RIMBP2: variants seen among roughly 807,000 people sequenced by gnomAD.
The protein encoded by RIMBP2 is RIMS-binding protein 2.
A neutral mutation model predicts 118.6 loss-of-function variants in RIMBP2; 48 were observed. The observed-to-expected ratio is 0.40, with a 90% CI of 0.32 to 0.51. RIMBP2 has a LOEUF of 0.51. Ranked by LOEUF, RIMBP2 falls within the 20% of genes least tolerant of loss-of-function variation. The pLI is 0.41. For missense variants in RIMBP2, 1,551 were observed against 1,768.3 expected, an observed-to-expected ratio of 0.88 and a Z score of 2.20; for synonymous variants, 762 against 742.9, an observed-to-expected ratio of 1.03 and a Z score of -0.42.
intron 2 of RIMBP2, among the ~76,000 whole-genome samples, chr12:130,548,565 T>C (rs1271335492): frequency 6.6e-6 from 1 of 152,052 alleles, no homozygotes; most frequent in Non-Finnish European, 1.5e-5. Flanking sequence ...TCTTGGACTT[T>C]GTGGGTTTTT....
chr12:130,422,429 A>G lies in RIMBP2; in HGVS notation c.3238+24T>C. ...CACATGCTCCGCGGCTGAAAGACAC[A>G]ACAGCGATGATGGGGCCACTAACCG... is the stretch of plus-strand genomic sequence containing the variant. On this transcript the variant is annotated intron_variant, in intron 17 of 22. Coordinates refer to ENST00000690449, the MANE Select transcript of RIMBP2 (RefSeq NM_001393629.1). The surrounding 1 kb of genome is among the most constrained non-coding windows in gnomAD (Gnocchi z 5.2). 2 of 1,539,514 alleles carry G rather than the reference A, an allele frequency of 1.3e-6. No homozygotes were observed. Among genetic ancestry groups the G allele is most frequent in the Non-Finnish European group, 1.8e-6 (2 of 1,115,234 alleles).
rs1277691795 is a variant in RIMBP2, at chr12:130,622,461, T to C, written c.-217+5861A>G. ...ATTCACTATTCACTAATTGTACGTA[T>C]AATTCTCTACTATTTTTCATATATT... On this transcript the variant is annotated intron_variant, in intron 2 of 22. Coordinates refer to ENST00000690449, the MANE Select transcript of RIMBP2 (RefSeq NM_001393629.1). This position sits in a 1 kb window ranked among gnomAD's most constrained non-coding sequence, Gnocchi z 8.5. Among the ~76,000 whole-genome samples, 1 of 152,110 alleles carries C rather than the reference T, an allele frequency of 6.6e-6. No individual in the cohort carries two copies. Among genetic ancestry groups the C allele is most frequent in the Non-Finnish European group, 1.5e-5 (1 of 68,028 alleles).
intron 1 of RIMBP2, chr12:130,660,551 G>A (rs1305001615): frequency 6.6e-6 from 1 of 152,194 alleles, no homozygotes; most frequent in African/African-American, 2.4e-5. Flanking sequence ...CCTCAGGGTT[G>A]GAAGAGTTGC....
chr12:130,608,808 C>T (rs1409461455), intron 2 of RIMBP2, among the ~76,000 whole-genome samples: 1 of 152,060 alleles, frequency 6.6e-6, no homozygotes, highest in Non-Finnish European at 1.5e-5. Flanking sequence ...ACTTAATACC[C>T]ACTCTCTTAA....
intron 2 of RIMBP2, among the ~76,000 whole-genome samples, chr12:130,590,945 A>G (rs7965794): frequency 0.82 from 124,290 of 152,140 alleles, 50,865 homozygotes; most frequent in South Asian, 0.88. Context: ...AAGTGCAGCC[A>G]GGGGAAAGCG....
intron 1 of RIMBP2, among the ~76,000 whole-genome samples, chr12:130,661,771 G>A (rs1219121890): frequency 6.6e-6 from 1 of 152,116 alleles, no homozygotes; most frequent in Non-Finnish European, 1.5e-5. Context: ...AATAACTACG[G>A]TCAGTGAAGA....
intron 1 of RIMBP2, among the ~76,000 whole-genome samples, chr12:130,641,027 G>A (rs1003645339): frequency 6.6e-6 from 1 of 152,216 alleles, no homozygotes; most frequent in Non-Finnish European, 1.5e-5. Context: ...AGCCGTCCTG[G>A]CACTCAGCGC....
At position 130,414,045 on chromosome 12, in the gene RIMBP2, C is replaced by A. The variant is rs1330047622; in HGVS notation, c.3420+80G>T. On this transcript the variant is annotated intron_variant, in intron 18 of 22. Transcript: ENST00000690449. ...GGAGAAGGCCATCTCTAAGTCGATA[C>A]CCTGTTGCCAGTCTCTGCCCCCATG... 2.8e-6 allele frequency: 4 copies of A among 1,435,708 alleles called. No individual in the cohort carries two copies. In the African/African-American group the frequency reaches 4.2e-5, roughly 15 times the overall value. 88.9% of individuals were successfully genotyped at this position (1,435,708 alleles called of 1,614,324 possible).
In RIMBP2 at chr12:130,523,523, G is replaced by A. The variant is rs1338164899; in HGVS notation, c.-216-5606C>T. 6.6e-6 allele frequency among the ~76,000 whole-genome samples: 1 copy of A among 152,206 alleles called. No individual in the cohort carries two copies. Among genetic ancestry groups the A allele is most frequent in the Non-Finnish European group, 1.5e-5 (1 of 68,036 alleles). On this transcript the variant is annotated intron_variant, in intron 2 of 22. Coordinates refer to ENST00000690449, the MANE Select transcript of RIMBP2 (RefSeq NM_001393629.1). This position sits in a 1 kb window ranked among gnomAD's most constrained non-coding sequence, Gnocchi z 4.4. Reference sequence around the variant, plus strand: ...AAGGGCTCGTCAAGGAAGAAACTGGGTCTTCTGAAGACACCCCCTTCCCCA... The same window carrying A: ...AAGGGCTCGTCAAGGAAGAAACTGGATCTTCTGAAGACACCCCCTTCCCCA...
Position 130,441,850 on chromosome 12 carries a change from G to A in RIMBP2, c.1502C>T (p.Ala501Val). The change falls in exon 11 of 23, where the codon GCA becomes GTA. Residue 501 changes from alanine (A) to valine (V), a missense_variant and splice_region_variant. By Grantham distance (64) the Ala-to-Val change is moderately conservative. Around this residue, in one of 5 missense-constraint regions of RIMBP2, gnomAD observed 1,038 missense variants for 1,125.1 expected, o/e 0.92. Transcript: ENST00000690449. The stretch of plus-strand genomic sequence containing the variant: ...CCACGGAAGGACACAGGGCTCACCT[G>A]CAGGCAACGTGGAGAACTCCACAAA... Reference protein sequence around the residue: ...EAFVEFSTLPAGPPAPPQDVT... With the variant: ...EAFVEFSTLPVGPPAPPQDVT... 2 of 1,613,058 alleles carry A rather than the reference G, an allele frequency of 1.2e-6. No homozygotes were observed. The highest frequency in any genetic ancestry group is 8.5e-7 in the Non-Finnish European group (1 of 1,179,596).
intron 2 of RIMBP2, among the ~76,000 whole-genome samples, chr12:130,624,104 C>A (rs866607980): frequency 3.3e-5 from 5 of 152,246 alleles, no homozygotes; most frequent in African/African-American, 1.2e-4. Context: ...TGAAACACAG[C>A]GATTTACAAG....
At chr12:130,664,698 G>A (rs908536705) in intron 1 of RIMBP2, among the ~76,000 whole-genome samples, 3 of 151,778 alleles carry the variant, frequency 2.0e-5, no homozygotes, top group Non-Finnish European at 4.4e-5. Flanking sequence ...AAAGTAAAGA[G>A]GGACTCAGAA....
chr12:130,578,382 C>T lies in RIMBP2; in HGVS notation c.-217+49940G>A, dbSNP rs1375101083. 6.6e-6 allele frequency among the ~76,000 whole-genome samples: 1 copy of T among 152,222 alleles called. No individual in the cohort carries two copies. The highest frequency in any genetic ancestry group is 1.5e-5 in the Non-Finnish European group (1 of 68,046). The stretch of plus-strand genomic sequence containing the variant: ...TAGAATCCAACATGGCTCCCAGCTG[C>T]CAGCAGTACAAAGTGCAAACCTGCC... On this transcript the variant is annotated intron_variant, in intron 2 of 22. Transcript: ENST00000690449. This position sits in a 1 kb window ranked among gnomAD's most constrained non-coding sequence, Gnocchi z 4.1.
At chr12:130,516,975 C>T (rs79238684) in intron 3 of RIMBP2, among the ~76,000 whole-genome samples, 5,380 of 152,164 alleles carry the variant, frequency 0.035, 337 homozygotes, top group African/African-American at 0.12. Context: ...AGCTGGGGCA[C>T]GTCTGGTGCT....
intron 4 of RIMBP2, among the ~76,000 whole-genome samples, chr12:130,504,967 C>T (rs1421087425): frequency 6.6e-6 from 1 of 152,194 alleles, no homozygotes; most frequent in Non-Finnish European, 1.5e-5. Flanking sequence ...ACAGACTCTC[C>T]GCTAAGCTCC....
chr12:130,535,724 T>TATACACATATACAC lies in RIMBP2; in HGVS notation c.-216-17808_-216-17807insGTGTATATGTGTAT, dbSNP rs2053966808. Reference sequence around the variant, plus strand: ...ATATACACATATACATATACATATATATACATATATATACATATATATATA... The same window carrying TATACACATATACAC: ...ATATACACATATACATATACATATATATACACATATACACATACATATATATACATATATATATA... On this transcript the variant is annotated intron_variant, in intron 2 of 22. Transcript: ENST00000690449. Among the ~76,000 whole-genome samples the TATACACATATACAC allele has an allele frequency of 4.4e-5, 2 of 45,374 alleles. 1 individual carries two copies. The highest frequency in any genetic ancestry group is 3.2e-3 in the South Asian group (2 of 618). The allele number at this position is 45,374 out of a possible 152,430, so 29.8% of individuals were successfully genotyped here. A position where few individuals can be genotyped will look rare whatever the true frequency, so the allele number is the denominator to read the frequency against.
intron 18 of RIMBP2, among the ~76,000 whole-genome samples, chr12:130,413,266 G>T (rs2075859248): frequency 6.6e-6 from 1 of 152,034 alleles, no homozygotes; most frequent in Non-Finnish European, 1.5e-5. Context: ...AGGGTTCAAG[G>T]CCCTCTTTCT....
chr12:130,443,932 GTACTAT>G (rs1350003441), intron 10 of RIMBP2, among the ~76,000 whole-genome samples: 1 of 152,172 alleles, frequency 6.6e-6, no homozygotes, highest in Non-Finnish European at 1.5e-5. Flanking sequence ...TATGAGGTGG[GTACTAT>G]TACTATCTCC....
Position 130,524,092 on chromosome 12 carries a change from C to T in RIMBP2, c.-216-6175G>A, listed in dbSNP as rs533529318. 1.3e-4 allele frequency among the ~76,000 whole-genome samples: 20 copies of T among 152,188 alleles called. No homozygotes were observed. The East Asian group carries it at 1.4e-3, about 10-fold the overall frequency. On this transcript the variant is annotated intron_variant, in intron 2 of 22. Transcript: ENST00000690449. ...CCTCAAAGAGGTTGCCTCCAGATGCCGGGGTGGTGCTCCCAGCCCTGGAGA... is the reference window on the plus strand; with the variant it reads ...CCTCAAAGAGGTTGCCTCCAGATGCTGGGGTGGTGCTCCCAGCCCTGGAGA...
Sources: gnomAD v4.1 joint callset for allele counts (sites outside exome capture counted in the v4.1 genomes callset) on GRCh38, gnomAD v4.1.1 for gene constraint, gnomAD v4.1.1 regional missense constraint, Gnocchi (gnomAD v3.1) non-coding constraint, MANE v1.5 for transcripts, NCBI Gene and HGNC (gene_info 2026-07-23, HGNC 2026-07-21) for gene names.